PCDH15: variants seen among roughly 807,000 people sequenced by gnomAD.
PCDH15 encodes the protein protocadherin-15.
A neutral mutation model predicts 178.5 loss-of-function variants in PCDH15; 129 were observed. The observed-to-expected ratio is 0.72, with a 90% confidence interval of 0.63 to 0.84. The LOEUF (loss-of-function observed/expected upper bound fraction) is 0.84. PCDH15 is among the 40% of genes least tolerant of loss of function. The pLI is 0.00. For synonymous variants in PCDH15, 800 were observed against 732.0 expected, an observed-to-expected ratio of 1.09 and a Z score of -1.50; for missense variants, 2,230 against 2,099.9, an observed-to-expected ratio of 1.06 and a Z score of -1.21.
chr10:54,487,894 C>T (rs2079235898), intron 3 of PCDH15, among the ~76,000 whole-genome samples: 1 of 151,810 alleles, frequency 6.6e-6, no homozygotes, highest in African/African-American at 2.4e-5. Flanking sequence ...TGCATATATA[C>T]ACAAAACTGT....
Position 55,147,032 on chromosome 10 carries a change from A to G in PCDH15, c.-80+19544T>C, listed in dbSNP as rs1413231891. Among the ~76,000 whole-genome samples, 3 of 151,752 alleles carry G rather than the reference A, an allele frequency of 2.0e-5. No homozygotes were observed. The South Asian group carries it at 6.2e-4, about 31-fold the overall frequency. On this transcript the variant is annotated intron_variant, in intron 2 of 5. Coordinates refer to the PCDH15 transcript ENST00000458638. ...TATTTATTTTAAATTGTTTTAAAACAAGAACAATTACCAATTGAGCAATTT... is the reference window on the plus strand; with the variant it reads ...TATTTATTTTAAATTGTTTTAAAACGAGAACAATTACCAATTGAGCAATTT...
At chr10:53,867,361 C>G (rs993769555) in intron 26 of PCDH15, among the ~76,000 whole-genome samples, 1 of 151,972 alleles carries the variant, frequency 6.6e-6, no homozygotes, top group South Asian at 2.1e-4. Flanking sequence ...GTATATAGTT[C>G]CAAATAGCTA....
intron 2 of PCDH15, among the ~76,000 whole-genome samples, chr10:55,542,356 A>G (rs1841782920): frequency 6.6e-6 from 1 of 150,998 alleles, no homozygotes; most frequent in Non-Finnish European, 1.5e-5. Context: ...GTTAGTGTGT[A>G]TATATAAATA....
At chr10:54,230,703 T>G (rs1365731873) in intron 9 of PCDH15, among the ~76,000 whole-genome samples, 1 of 152,162 alleles carries the variant, frequency 6.6e-6, no homozygotes, top group South Asian at 2.1e-4. Context: ...TCTTAATCAA[T>G]GGGTGACACC....
chr10:54,403,543 T>C (rs1477050007), intron 3 of PCDH15, among the ~76,000 whole-genome samples: 1 of 151,868 alleles, frequency 6.6e-6, no homozygotes, highest in Non-Finnish European at 1.5e-5. Flanking sequence ...AGGACAAAGA[T>C]ACCCCCTATC....
chr10:54,634,925 A>G (rs529149906), intron 2 of PCDH15, among the ~76,000 whole-genome samples: 1 of 151,874 alleles, frequency 6.6e-6, no homozygotes, highest in South Asian at 2.1e-4. Flanking sequence ...ATAATATTAT[A>G]AAGGTGATTT....
intron 3 of PCDH15, among the ~76,000 whole-genome samples, chr10:54,459,759 T>A (rs111444260): frequency 0.033 from 5,016 of 152,256 alleles, 129 homozygotes; most frequent in South Asian, 0.11. Context: ...AGTGCTCAGA[T>A]GAAGGAACTG....
upstream of PCDH15, among the ~76,000 whole-genome samples, chr10:54,806,061 G>A (rs1952772766): frequency 6.6e-6 from 1 of 152,086 alleles, no homozygotes; most frequent in African/African-American, 2.4e-5. Flanking sequence ...GAGAAGTGCA[G>A]ATAATATTTG....
At chr10:54,518,971 T>C (rs1043437556) in intron 3 of PCDH15, among the ~76,000 whole-genome samples, 7 of 152,234 alleles carry the variant, frequency 4.6e-5, no homozygotes, top group African/African-American at 1.7e-4. Flanking sequence ...CACATGATTA[T>C]CTCAATAGAT....
chr10:54,525,928 A>T (rs555051953), intron 3 of PCDH15, among the ~76,000 whole-genome samples: 2 of 152,344 alleles, frequency 1.3e-5, no homozygotes, highest in Admixed American at 1.3e-4. Context: ...AATGCAAAAG[A>T]GAAATGCAAA....
At chr10:54,897,204 T>C (rs2131821772) in intron 3 of PCDH15, among the ~76,000 whole-genome samples, 1 of 152,344 alleles carries the variant, frequency 6.6e-6, no homozygotes, top group South Asian at 2.1e-4. Flanking sequence ...ATTTGCATTC[T>C]GCTTCAAACA....
chr10:55,572,878 A>G (rs554429313), intron 2 of PCDH15, among the ~76,000 whole-genome samples: 1 of 152,252 alleles, frequency 6.6e-6, no homozygotes, highest in South Asian at 2.1e-4. Context: ...AAGAGCAGCA[A>G]GATGACTAGT....
rs372271180 is a variant in PCDH15 at position 54,304,196 on chromosome 10, T to G, written c.876+13075A>C. 1.4e-4 allele frequency among the ~76,000 whole-genome samples: 21 copies of G among 152,224 alleles called. No individual in the cohort carries two copies. The East Asian group carries it at 3.5e-3, about 25-fold the overall frequency. On this transcript the variant is annotated intron_variant, in intron 8 of 37. Transcript: ENST00000644397. ...TATCTTATTTACTCACCCATATCAT[T>G]GTTTCCCGTTAAATTAACACTGGCA...
chr10:55,483,512 C>T (rs1356150975), intron 2 of PCDH15, among the ~76,000 whole-genome samples: 3 of 151,700 alleles, frequency 2.0e-5, no homozygotes, highest in Admixed American at 6.6e-5. Context: ...ACAAGGAATA[C>T]ACTTATACAT....
chr10:54,779,905 T>C (rs1950197546), intron 1 of PCDH15, among the ~76,000 whole-genome samples: 1 of 152,110 alleles, frequency 6.6e-6, no homozygotes, highest in Non-Finnish European at 1.5e-5. Flanking sequence ...AAAAGATCCT[T>C]TTATGATTAA....
At chr10:55,042,074 G>T (rs1840876835) in intron 2 of PCDH15, among the ~76,000 whole-genome samples, 1 of 152,136 alleles carries the variant, frequency 6.6e-6, no homozygotes, top group Non-Finnish European at 1.5e-5. Context: ...CACAGCCAGT[G>T]TGGTGAGCAA....
intron 18 of PCDH15, among the ~76,000 whole-genome samples, chr10:54,060,841 A>G (rs922840076): frequency 2.6e-5 from 4 of 152,096 alleles, no homozygotes; most frequent in Non-Finnish European, 5.9e-5. Context: ...AAGGAGCATA[A>G]GAGGTGAGGG....
chr10:54,622,684 T>TTATATAATTATATATATAA (rs2093414785), intron 2 of PCDH15, among the ~76,000 whole-genome samples: 1 of 22,348 alleles, frequency 4.5e-5, no homozygotes, highest in East Asian at 9.6e-4. Flanking sequence ...ATAATATATA[T>TTATATAATTATATATATAA]TATATAATAT....
intron 3 of PCDH15, among the ~76,000 whole-genome samples, chr10:54,386,814 G>C (rs1238522090): frequency 6.6e-6 from 1 of 152,154 alleles, no homozygotes; most frequent in Non-Finnish European, 1.5e-5. Context: ...CTAAAAAATA[G>C]CAAGTGTTGG....
Sources: allele counts gnomAD v4.1 joint callset (sites outside exome capture counted in the v4.1 genomes callset), GRCh38; gene constraint gnomAD v4.1.1; transcripts MANE v1.5; gene names NCBI Gene and HGNC (gene_info 2026-07-23, HGNC 2026-07-21).